Variants in TPM4 observed in about 807,000 individuals in gnomAD.
TPM4 encodes tropomyosin 4, also known as tropomyosin alpha-4 chain.
TPM4 carries 17 observed loss-of-function variants against 35.8 expected under a neutral mutation model. The observed-to-expected ratio is 0.47, with a 90% CI of 0.32 to 0.71. TPM4 has a LOEUF of 0.71. Ranked by LOEUF, TPM4 falls within the 30% of genes least tolerant of loss-of-function variation. The pLI is 0.03. For missense variants in TPM4, 240 were observed against 320.9 expected, an observed-to-expected ratio of 0.75 and a Z score of 1.93; for synonymous variants, 120 against 122.9, an observed-to-expected ratio of 0.98 and a Z score of 0.15.
At position 16,089,017 on chromosome 19, in the gene TPM4, GAC is replaced by G. The variant is rs767531137; in HGVS notation, c.456-24_456-23del. 3.1e-6 allele frequency: 5 copies of G among 1,613,770 alleles called. No homozygotes were observed. The South Asian group carries it at 3.3e-5, about 11-fold the overall frequency. On this transcript the variant is annotated intron_variant, in intron 4 of 7. Transcript: ENST00000643579. ...TATTGCCGGCTGTAAGGGAAGATAA[GAC>G]ACAAAAATCCTTTGTCTTTGTGCAG...
intron 5 of TPM4, among the ~76,000 whole-genome samples, chr19:16,092,617 C>T (rs1413850933): frequency 6.6e-6 from 1 of 151,992 alleles, no homozygotes; most frequent in African/African-American, 2.4e-5. Context: ...CTCACTACAG[C>T]CTCCACCTCC....
Position 16,082,225 on chromosome 19 carries a change from G to A in TPM4, c.266+179G>A, listed in dbSNP as rs550267642. Among the ~76,000 whole-genome samples the A allele has an allele frequency of 6.6e-5, 10 of 152,278 alleles. No individual in the cohort carries two copies. In the South Asian group the frequency reaches 1.4e-3, roughly 22 times the overall value. Reference sequence around the variant, plus strand: ...ACTCCATGGGTAGAGATGTTTATCCGTGGCCAGGCACGGTGGCTCATGCCT... The same window carrying A: ...ACTCCATGGGTAGAGATGTTTATCCATGGCCAGGCACGGTGGCTCATGCCT... On this transcript the variant is annotated intron_variant, in intron 2 of 7. Coordinates refer to ENST00000643579, the MANE Select transcript of TPM4 (RefSeq NM_003290.3).
At chr19:16,076,724 AC>A (rs1204779952) in intron 1 of TPM4, 27 bp downstream of exon 1, 1 of 1,301,672 alleles carries the variant, frequency 7.7e-7, no homozygotes, top group East Asian at 3.2e-5. Flanking sequence ...CGGGCCCCGC[AC>A]CCGCAGCCTC....
rs1274622994 is a variant in TPM4, at chr19:16,067,804, C to T, written c.114+66C>T. On this transcript the variant is annotated intron_variant, in intron 2 of 2. Transcript: ENST00000589897. This position sits in a 1 kb window ranked among gnomAD's most constrained non-coding sequence, Gnocchi z 4.1. Reference sequence around the variant, plus strand: ...TCCTCTCTGTGCGGAAGGCCGGGGTCTGGAGCCCAGTTGGGGGTCGCAGAC... The same window carrying T: ...TCCTCTCTGTGCGGAAGGCCGGGGTTTGGAGCCCAGTTGGGGGTCGCAGAC... The T allele has an allele frequency of 2.7e-6, 4 of 1,501,312 alleles. No homozygotes were observed. Among genetic ancestry groups the T allele is most frequent in the Non-Finnish European group, 3.6e-6 (4 of 1,109,150 alleles). 93.0% of individuals were successfully genotyped at this position (1,501,312 alleles called of 1,614,324 possible).
intron 7 of TPM4, chr19:16,095,305 G>A (rs759733920): frequency 2.9e-6 from 3 of 1,036,874 alleles, no homozygotes; most frequent in Non-Finnish European, 3.5e-6. Flanking sequence ...AGCTATCAGC[G>A]AGGAACTGGA....
At chr19:16,081,732 C>T in intron 1 of TPM4, 181 bp from the exon 2 acceptor site, 1 of 754,496 alleles carries the variant, frequency 1.3e-6, no homozygotes, top group Non-Finnish European at 1.9e-6. Context: ...ATGTTTTTCC[C>T]AGACATTTTC....
chr19:16,077,195 C>T (rs1021648553), intron 1 of TPM4: 1 of 151,626 alleles, frequency 6.6e-6, no homozygotes, highest in African/African-American at 2.4e-5. Context: ...CGCACTTTCT[C>T]GCCTCTTTCG....
chr19:16,086,613 C>T (rs11666144), intron 3 of TPM4, 73 bp downstream of exon 3: 42,774 of 1,271,882 alleles, frequency 0.034, 989 homozygotes, highest in Middle Eastern at 0.1. Context: ...GGGAGGACAC[C>T]GGGGCCAACG....
intron 4 of TPM4, 89 bp downstream of exon 4, chr19:16,088,186 C>T (rs757402835): frequency 2.1e-4 from 317 of 1,524,430 alleles, no homozygotes; most frequent in Non-Finnish European, 2.7e-4. Context: ...TGGCTCTGAC[C>T]GGGGTCTCTG....
At chr19:16,071,526 C>T (rs2090356787), upstream of TPM4, among the ~76,000 whole-genome samples, 1 of 152,198 alleles carries the variant, frequency 6.6e-6, no homozygotes, top group African/African-American at 2.4e-5. Flanking sequence ...CACGTTCCTG[C>T]ACATTTCTGA....
At chr19:16,096,969 T>TTTTTTTC (rs1568312345) in intron 7 of TPM4, among the ~76,000 whole-genome samples, 1 of 112,570 alleles carries the variant, frequency 8.9e-6, no homozygotes, top group African/African-American at 3.7e-5. Context: ...TTTTTTTTTT[T>TTTTTTTC]TCAAGACAGG....
In TPM4 at chr19:16,093,767, A is replaced by T. The variant is rs2090657694; in HGVS notation, c.664+14A>T. On this transcript the variant is annotated intron_variant, in intron 7 of 7. Transcript: ENST00000643579. ...ATGACCTGGAAGGTATGAGGTTACCATCTAAATGTTTGCCTTGCCCTGCCT... is the reference window on the plus strand; with the variant it reads ...ATGACCTGGAAGGTATGAGGTTACCTTCTAAATGTTTGCCTTGCCCTGCCT... 1 of 1,612,800 alleles carries T rather than the reference A, an allele frequency of 6.2e-7. No homozygotes were observed. The highest frequency in any genetic ancestry group is 8.5e-7 in the Non-Finnish European group (1 of 1,179,992).
intron 2 of TPM4, among the ~76,000 whole-genome samples, chr19:16,069,619 T>TGTGTGTTTCTATTG (rs2090335452): frequency 9.2e-5 from 13 of 141,242 alleles, no homozygotes; most frequent in African/African-American, 3.8e-4. Flanking sequence ...TCTGTTGCTG[T>TGTGTGTTTCTATTG]GTGTGTGTGG....
chr19:16,079,298 T>C (rs889140224), intron 1 of TPM4, among the ~76,000 whole-genome samples: 3 of 152,192 alleles, frequency 2.0e-5, no homozygotes, highest in African/African-American at 7.2e-5. Context: ...AGTTTTTTGT[T>C]TGTTTGTTTG....
intron 3 of TPM4, 80 bp from the exon 4 acceptor site, chr19:16,087,947 C>T (rs2090578087): frequency 4.1e-6 from 6 of 1,470,334 alleles, no homozygotes; most frequent in South Asian, 2.4e-5. Context: ...GGTGGGGCAT[C>T]ATTGGGGGCT....
chr19:16,080,802 C>T, intron 1 of TPM4: 1 of 362,630 alleles, frequency 2.8e-6, no homozygotes, highest in African/African-American at 2.1e-5. Context: ...GCGCAAGACT[C>T]CATCTCAAAA....
At chr19:16,068,793 CTG>C (rs1489050399) in intron 2 of TPM4, among the ~76,000 whole-genome samples, 1 of 151,260 alleles carries the variant, frequency 6.6e-6, no homozygotes, top group Non-Finnish European at 1.5e-5. Flanking sequence ...TTGAGCCTTT[CTG>C]TGTGTGCACA....
intron 2 of TPM4, among the ~76,000 whole-genome samples, chr19:16,085,332 C>A (rs1397403498): frequency 6.6e-6 from 1 of 152,138 alleles, no homozygotes; most frequent in East Asian, 1.9e-4. Context: ...CGACTCACCG[C>A]AGCCTTGAAC....
Position 16,101,481 on chromosome 19 carries a change from AAAT to A in TPM4, c.*137_*139del, listed in dbSNP as rs1396107107. The A allele has an allele frequency of 2.5e-5, 14 of 571,138 alleles. No homozygotes were observed. The Admixed American group carries it at 4.9e-4, about 20-fold the overall frequency. 35.4% of individuals were successfully genotyped at this position (571,138 alleles called of 1,614,324 possible). On this transcript the variant is annotated 3_prime_UTR_variant, in exon 8 of 8. Transcript: ENST00000643579. ...TCAAGCAAATTATGAATACATGACC[AAAT>A]ATTTTGTATCGGAGAAGCTTTGAGC... is the stretch of plus-strand genomic sequence containing the variant.
Sources: gnomAD v4.1 joint callset for allele counts (sites outside exome capture counted in the v4.1 genomes callset) on GRCh38, gnomAD v4.1.1 for gene constraint, Gnocchi (gnomAD v3.1) non-coding constraint, MANE v1.5 for transcripts, NCBI Gene and HGNC (gene_info 2026-07-23, HGNC 2026-07-21) for gene names.